MIA2: variants seen among roughly 807,000 people sequenced by gnomAD.
MIA2 encodes MIA SH3 domain ER export factor 2.
MIA2 carries 127 observed loss-of-function variants against 167.8 expected under a neutral mutation model. The observed-to-expected ratio is 0.76, with a 90% CI of 0.66 to 0.88. The LOEUF is 0.88. MIA2 is among the 40% of genes least tolerant of loss of function. The pLI, the probability that MIA2 is intolerant of heterozygous loss-of-function variation, is 0.00. For synonymous variants in MIA2, 552 were observed against 541.9 expected (o/e 1.02, Z -0.26); for missense variants, 1,690 against 1,624.7 (o/e 1.04, Z -0.69).
At chr14:39,244,577 A>T (rs2054204497) in intron 3 of MIA2, among the ~76,000 whole-genome samples, 1 of 152,174 alleles carries the variant, frequency 6.6e-6, no homozygotes, top group Admixed American at 6.5e-5. Flanking sequence ...CTTATTCTTT[A>T]AAAAACCTAA....
chr14:39,364,749 GT>G (rs963226175), intron 23 of MIA2, among the ~76,000 whole-genome samples: 3 of 151,120 alleles, frequency 2.0e-5, no homozygotes, highest in African/African-American at 7.3e-5. Flanking sequence ...GTTTTGTTTT[GT>G]TTTTTTAGCA....
chr14:39,243,528 C>T (rs984289676), intron 3 of MIA2, among the ~76,000 whole-genome samples: 11 of 152,140 alleles, frequency 7.2e-5, no homozygotes, highest in African/African-American at 2.4e-4. Flanking sequence ...AAAAGGCATA[C>T]AAATTTATTT....
rs12894855 is a variant in MIA2, at chr14:39,388,045, T to C, written c.*1093T>C. The C allele has an allele frequency of 0.32, 48,138 of 152,162 alleles. 8,151 individuals are homozygous for C. The highest frequency in any genetic ancestry group is 0.51 in the East Asian group (2,656 of 5,174). The allele number at this position is 152,162 out of a possible 1,614,324, so 9.4% of individuals were successfully genotyped here. ...TTGTGTGACTTGCTATATTGCATTA[T>C]TCTCTTTATTGTAGTGGTCTGGAAC... On this transcript the variant is annotated 3_prime_UTR_variant, in exon 24 of 24. Transcript: ENST00000341502. This position sits in a 1 kb window ranked among gnomAD's most constrained non-coding sequence, Gnocchi z 4.1.
chr14:39,287,676 C>T (rs1484117177), intron 9 of MIA2, among the ~76,000 whole-genome samples: 5 of 152,046 alleles, frequency 3.3e-5, no homozygotes, highest in Admixed American at 1.3e-4. Flanking sequence ...AATTCTCCTG[C>T]GTCAGCCTCC....
chr14:39,254,827 G>A (rs1370113448), intron 6 of MIA2, among the ~76,000 whole-genome samples: 1 of 152,180 alleles, frequency 6.6e-6, no homozygotes, highest in East Asian at 1.9e-4. Flanking sequence ...TTAGCCTCTG[G>A]TCTAACATCC....
In MIA2 at chr14:39,247,942, T is replaced by A; in HGVS notation, c.1368T>A (p.Tyr456Ter). ...EKTDESDTIP[Y>*]LKKFLYNFDN... is the part of the protein sequence containing the mutation. ...CAGACGAATCTGATACTATACCATA[T>A]TTGAAAAAGTTCTTGTATAATTTTG... Residue 456 changes from tyrosine to a stop codon, truncating the protein, a stop_gained, in exon 4 of 29, where the codon TAT (tyrosine) becomes TAA (stop). Coordinates refer to ENST00000640607, the MANE Select transcript of MIA2 (RefSeq NM_001329214.4). LOFTEE classifies it high-confidence loss of function. 1 of 1,597,846 alleles carries A rather than the reference T, an allele frequency of 6.3e-7. No individual in the cohort carries two copies. Among genetic ancestry groups the A allele is most frequent in the Non-Finnish European group, 8.5e-7 (1 of 1,176,342 alleles).
intron 25 of MIA2, among the ~76,000 whole-genome samples, chr14:39,334,887 C>T (rs1352038980): frequency 1.3e-5 from 2 of 152,078 alleles, no homozygotes; most frequent in Admixed American, 1.3e-4. Flanking sequence ...TAAACCTTAT[C>T]ATTGCTATTA....
chr14:39,286,033 C>G lies in MIA2; in HGVS notation c.2131-4986C>G, dbSNP rs370218949. ...CCAGGCAGAGACGCTCTTCACTTCCCAGACGGGGTGGCGGCTGGGCAGAGG... is the reference window on the plus strand; with the variant it reads ...CCAGGCAGAGACGCTCTTCACTTCCGAGACGGGGTGGCGGCTGGGCAGAGG... On this transcript the variant is annotated intron_variant, in intron 9 of 28. Transcript: ENST00000640607. Among the ~76,000 whole-genome samples the G allele has an allele frequency of 3.3e-5, 5 of 152,322 alleles. No individual in the cohort carries two copies. In the South Asian group the frequency reaches 1.0e-3, roughly 32 times the overall value.
chr14:39,240,746 G>A (rs2054000910), intron 3 of MIA2, 99 bp downstream of exon 3: 8 of 717,828 alleles, frequency 1.1e-5, no homozygotes, highest in Non-Finnish European at 1.9e-5. Flanking sequence ...ACCTTTTATA[G>A]TAAATGCATA....
At chr14:39,272,224 C>T (rs762018966) in intron 6 of MIA2, among the ~76,000 whole-genome samples, 1 of 151,922 alleles carries the variant, frequency 6.6e-6, no homozygotes, top group East Asian at 1.9e-4. Context: ...TGGTGGTGTG[C>T]GTCTGTAATC....
At position 39,332,741 on chromosome 14, in the gene MIA2, G is replaced by T. The variant is rs529203873; in HGVS notation, c.3655+5719G>T. Among the ~76,000 whole-genome samples the T allele has an allele frequency of 4.7e-4, 71 of 152,044 alleles. 1 individual carries two copies. The South Asian group carries it at 0.014, about 30-fold the overall frequency. On this transcript the variant is annotated intron_variant, in intron 25 of 28. Transcript: ENST00000640607. Reference sequence around the variant, plus strand: ...CACCCTGCTTCTGCTTGCAGTCCGTGGACTGCACCCGCTCTCTAACCAGTC... The same window carrying T: ...CACCCTGCTTCTGCTTGCAGTCCGTTGACTGCACCCGCTCTCTAACCAGTC...
At chr14:39,332,259 C>T (rs1483298545) in intron 25 of MIA2, among the ~76,000 whole-genome samples, 1 of 152,156 alleles carries the variant, frequency 6.6e-6, no homozygotes, top group Non-Finnish European at 1.5e-5. Flanking sequence ...GTGTATGCTT[C>T]ATGAAGTTCT....
intron 28 of MIA2, 125 bp downstream of exon 28, chr14:39,349,102 GA>G: frequency 1.6e-6 from 2 of 1,220,890 alleles, no homozygotes; most frequent in Non-Finnish European, 2.3e-6. Flanking sequence ...CTGTGAATCT[GA>G]AAATTCTCAT....
In MIA2 at chr14:39,344,800, G is replaced by A. The variant is rs145106762; in HGVS notation, c.3656-1104G>A. On this transcript the variant is annotated intron_variant, in intron 25 of 28. Coordinates refer to ENST00000640607, the MANE Select transcript of MIA2 (RefSeq NM_001329214.4). Reference sequence around the variant, plus strand: ...ATATGCATGCCTAATCTAGCAGTCTGACATCACCTTTCAAGAATGAGAAAC... The same window carrying A: ...ATATGCATGCCTAATCTAGCAGTCTAACATCACCTTTCAAGAATGAGAAAC... 1.3e-3 allele frequency among the ~76,000 whole-genome samples: 198 copies of A among 152,292 alleles called. 1 individual carries two copies. Among genetic ancestry groups the A allele is most frequent in the African/African-American group, 4.5e-3 (189 of 41,566 alleles).
At chr14:39,355,676 AT>A (rs1475011778), downstream of MIA2, among the ~76,000 whole-genome samples, 1 of 152,074 alleles carries the variant, frequency 6.6e-6, no homozygotes, top group Admixed American at 6.6e-5. Flanking sequence ...TCAGTATGAT[AT>A]TGGGTGTGGG....
intron 23 of MIA2, among the ~76,000 whole-genome samples, chr14:39,384,785 C>T (rs571155842): frequency 1.9e-4 from 29 of 152,076 alleles, no homozygotes; most frequent in Non-Finnish European, 2.6e-4. Flanking sequence ...CATGTGCACG[C>T]GCACACTCAC....
At chr14:39,327,249 G>A (rs1423872820) in intron 25 of MIA2, among the ~76,000 whole-genome samples, 1 of 152,066 alleles carries the variant, frequency 6.6e-6, no homozygotes, top group East Asian at 1.9e-4. Context: ...TGTTTTTGTT[G>A]CTTGTAGAGG....
chr14:39,299,604 A>C (rs988809535), intron 13 of MIA2, among the ~76,000 whole-genome samples: 1 of 152,190 alleles, frequency 6.6e-6, no homozygotes, highest in Non-Finnish European at 1.5e-5. Context: ...GTAAGGTATG[A>C]TATTTTATAT....
At chr14:39,333,262 A>T (rs920673386) in intron 25 of MIA2, among the ~76,000 whole-genome samples, 1 of 152,118 alleles carries the variant, frequency 6.6e-6, no homozygotes, top group Non-Finnish European at 1.5e-5. Context: ...ATTCTATTCT[A>T]TTCCTCTAAG....
Sources: allele counts gnomAD v4.1 joint callset (sites outside exome capture counted in the v4.1 genomes callset), GRCh38; gene constraint gnomAD v4.1.1; non-coding constraint Gnocchi (gnomAD v3.1); transcripts MANE v1.5; gene names NCBI Gene and HGNC (gene_info 2026-07-23, HGNC 2026-07-21).